OGA: variants seen among roughly 807,000 people sequenced by gnomAD.
OGA encodes the protein protein O-GlcNAcase.
In OGA, 21 loss-of-function variants were observed where a neutral mutation model predicts 102.0. The ratio of observed to expected loss-of-function variants is 0.21; its 90% CI spans 0.15 to 0.30. The LOEUF is 0.30. Among genes scored for constraint, OGA ranks in the 10% least tolerant of loss-of-function variants. The probability of loss-of-function intolerance (pLI) is 1.00; values close to 1 mark genes in which losing one functional copy is unlikely to be tolerated. For missense variants in OGA, 765 were observed against 1,107.8 expected, an observed-to-expected ratio of 0.69 and a Z score of 4.39; for synonymous variants, 408 against 378.2, an observed-to-expected ratio of 1.08 and a Z score of -0.91.
intron 14 of OGA, among the ~76,000 whole-genome samples, chr10:101,788,130 TAAA>T (rs529209574): frequency 4.7e-5 from 5 of 106,690 alleles, no homozygotes; most frequent in African/African-American, 3.6e-5. Flanking sequence ...GACTCTGTCT[TAAA>T]AAAAAAAAAA....
chr10:101,816,000 G>A (rs1326864507), intron 1 of OGA, among the ~76,000 whole-genome samples: 6 of 135,602 alleles, frequency 4.4e-5, no homozygotes, highest in Non-Finnish European at 9.6e-5. Context: ...AGCCAGGCGC[G>A]GTAGTTCACG....
chr10:101,794,294 T>G (rs546712790), intron 10 of OGA, among the ~76,000 whole-genome samples: 1 of 152,226 alleles, frequency 6.6e-6, no homozygotes, highest in Non-Finnish European at 1.5e-5. Context: ...CTAGATATTA[T>G]ACAAATCAAG....
intron 7 of OGA, among the ~76,000 whole-genome samples, chr10:101,803,467 A>C (rs567767606): frequency 4.3e-4 from 65 of 151,756 alleles, no homozygotes; most frequent in African/African-American, 1.4e-3. Context: ...AAAAAACAAA[A>C]AAAAAAAAAC....
chr10:101,803,522 T>A (rs546813182), intron 7 of OGA, among the ~76,000 whole-genome samples: 1 of 151,842 alleles, frequency 6.6e-6, no homozygotes, highest in East Asian at 1.9e-4. Flanking sequence ...ACTCAACCTT[T>A]CTTCTATCAT....
At chr10:101,806,200 TTTG>T in intron 5 of OGA, 57 bp from the exon 6 acceptor site, 1 of 1,100,860 alleles carries the variant, frequency 9.1e-7, no homozygotes, top group Non-Finnish European at 1.4e-6. Flanking sequence ...GGGTTTTCTC[TTTG>T]TTTGTTTGTT....
At chr10:101,787,582 A>G in intron 14 of OGA, 59 bp from the exon 15 acceptor site, 1 of 1,394,958 alleles carries the variant, frequency 7.2e-7, no homozygotes, top group Non-Finnish European at 9.9e-7. Flanking sequence ...ATCTAACCCA[A>G]CTACAGAACT....
chr10:101,792,697 C>A, intron 12 of OGA, 142 bp downstream of exon 12: 3 of 604,108 alleles, frequency 5.0e-6, no homozygotes, highest in Non-Finnish European at 8.8e-6. Context: ...TCTCAAGATA[C>A]ACTGAATGTT....
In OGA at chr10:101,806,100, T is replaced by C. The variant is rs1211531505; in HGVS notation, c.696A>G (p.Pro232=). The change falls in exon 6 of 16, where the codon CCA becomes CCG. Residue 232 remains proline, a synonymous_variant. Transcript: ENST00000361464. ...TFCYPNVSQS[P]YLRTVGEKLL... ...GCTTTTCACCCACAGTCCTTAAATATGGAGACTGAGACACATTTGGATAAC... is the reference window on the plus strand; with the variant it reads ...GCTTTTCACCCACAGTCCTTAAATACGGAGACTGAGACACATTTGGATAAC... 5.6e-6 allele frequency: 9 copies of C among 1,612,208 alleles called. No individual in the cohort carries two copies. The highest frequency in any genetic ancestry group is 5.9e-6 in the Non-Finnish European group (7 of 1,178,306).
At chr10:101,797,877 C>G in intron 10 of OGA, 103 bp downstream of exon 10, 2 of 1,193,416 alleles carry the variant, frequency 1.7e-6, no homozygotes, top group Non-Finnish European at 2.4e-6. Context: ...ATTGAAGAGA[C>G]TTGGAAATGT....
intron 1 of OGA, among the ~76,000 whole-genome samples, chr10:101,817,592 G>C (rs2065652768): frequency 6.6e-6 from 1 of 152,138 alleles, no homozygotes; most frequent in African/African-American, 2.4e-5. Context: ...CTGGCTCCAA[G>C]CCCAAGACGG....
Position 101,787,482 on chromosome 10 carries a change from T to C in OGA, c.2496A>G (p.Pro832=). 1 of 1,613,758 alleles carries C rather than the reference T, an allele frequency of 6.2e-7. No homozygotes were observed. Among genetic ancestry groups the C allele is most frequent in the South Asian group, 1.1e-5 (1 of 91,072 alleles). ...LSFHEEQEVL[P]ETFLANFPSL... ...AAGGGAAATTAGCAAGGAAAGTTTC[T>C]GGCAGTACTTCCTGTTCTTCATGGA... is the stretch of plus-strand genomic sequence containing the variant. The change falls in exon 15 of 16, where the codon CCA becomes CCG. Residue 832 remains proline (P), a synonymous_variant. Transcript: ENST00000361464.
In OGA at chr10:101,807,916, A is replaced by T. The variant is rs2065497085; in HGVS notation, c.481-15T>A. 2.7e-6 allele frequency: 4 copies of T among 1,487,356 alleles called. No homozygotes were observed. The highest frequency in any genetic ancestry group is 3.6e-6 in the Non-Finnish European group (4 of 1,120,064). The allele number at this position is 1,487,356 out of a possible 1,614,324, so 92.1% of individuals were successfully genotyped here. Reference sequence around the variant, plus strand: ...AACTGAGAAACCTAGGAGAAAAAAAAAAAAAAGAATCAAGAGTAAAAAAAT... The same window carrying T: ...AACTGAGAAACCTAGGAGAAAAAAATAAAAAAGAATCAAGAGTAAAAAAAT... On this transcript the variant is annotated splice_polypyrimidine_tract_variant and intron_variant, in intron 4 of 15. Transcript: ENST00000361464.
chr10:101,793,380 G>T (rs2065280347), intron 11 of OGA, among the ~76,000 whole-genome samples: 1 of 152,194 alleles, frequency 6.6e-6, no homozygotes, highest in African/African-American at 2.4e-5. Context: ...GCTTCAGTTT[G>T]CTGTGCGCAG....
intron 1 of OGA, among the ~76,000 whole-genome samples, chr10:101,813,819 A>T (rs908028341): frequency 1.3e-5 from 2 of 151,958 alleles, no homozygotes; most frequent in Non-Finnish European, 2.9e-5. Flanking sequence ...TGCTTAGGTA[A>T]TTTTTTTTAT....
intron 5 of OGA, among the ~76,000 whole-genome samples, 198 bp from the exon 6 acceptor site, chr10:101,806,341 T>A (rs1035826998): frequency 5.3e-5 from 8 of 152,294 alleles, no homozygotes; most frequent in African/African-American, 1.9e-4. Flanking sequence ...CAGCTGGGAC[T>A]ACAGGCGCAC....
chr10:101,798,089 G>A lies in OGA; in HGVS notation c.1875C>T (p.Phe625=), dbSNP rs527557035. Residue 625 remains phenylalanine (F), a synonymous_variant, in exon 10 of 16, where the codon TTC becomes TTT. Coordinates refer to ENST00000361464, the MANE Select transcript of OGA (RefSeq NM_012215.5). ...TGTTGGCACAATTGGAGAGCCGAGT[G>A]AACATTCCCATCACTAGTCCACACA... ...EEMCGLVMGM[F]TRLSNCANRT... The A allele has an allele frequency of 1.8e-5, 29 of 1,614,052 alleles. No individual in the cohort carries two copies. In the South Asian group the frequency reaches 2.1e-4, roughly 12 times the overall value.
At position 101,818,371 on chromosome 10, in the gene OGA, T is replaced by G; in HGVS notation, c.-349A>C. On this transcript the variant is annotated 5_prime_UTR_variant, in exon 1 of 16. Transcript: ENST00000361464. ...GCTGCCCTCCCGATAATCTTAGGTC[T>G]TCCGCTGTTTCCCCTCCAAGCCCCG... 1.9e-6 allele frequency: 2 copies of G among 1,051,752 alleles called. No individual in the cohort carries two copies. Among genetic ancestry groups the G allele is most frequent in the South Asian group, 3.8e-5 (1 of 26,112 alleles). The allele number at this position is 1,051,752 out of a possible 1,614,324, so 65.2% of individuals were successfully genotyped here.
chr10:101,789,739 C>T (rs191947832), intron 14 of OGA, among the ~76,000 whole-genome samples: 2 of 151,786 alleles, frequency 1.3e-5, no homozygotes, highest in Non-Finnish European at 2.9e-5. Context: ...TATGGGAGGC[C>T]GAGGCAGGCG....
At chr10:101,813,377 G>A (rs992236529) in intron 2 of OGA, among the ~76,000 whole-genome samples, 178 bp downstream of exon 2, 3 of 152,228 alleles carry the variant, frequency 2.0e-5, no homozygotes, top group African/African-American at 7.2e-5. Flanking sequence ...CAGCTCCCCA[G>A]GAAAAGTTTG....
Sources: gnomAD v4.1 joint callset for allele counts (sites outside exome capture counted in the v4.1 genomes callset) on GRCh38, gnomAD v4.1.1 for gene constraint, MANE v1.5 for transcripts, NCBI Gene and HGNC (gene_info 2026-07-23, HGNC 2026-07-21) for gene names.